Variants in SLMAP observed in about 807,000 individuals in gnomAD.
SLMAP encodes sarcolemmal membrane-associated protein.
A neutral mutation model predicts 128.8 loss-of-function variants in SLMAP; 44 were observed. The observed-to-expected ratio is 0.34, with a 90% CI of 0.27 to 0.44. The LOEUF (loss-of-function observed/expected upper bound fraction) is 0.44. Among genes scored for constraint, SLMAP ranks in the 20% least tolerant of loss-of-function variants. The pLI, the probability that SLMAP is intolerant of heterozygous loss-of-function variation, is 1.00. For missense variants in SLMAP, 787 were observed against 985.3 expected (o/e 0.80, Z 2.69); for synonymous variants, 327 against 348.8 (o/e 0.94, Z 0.70).
chr3:57,848,357 TTC>T (rs759537772), intron 5 of SLMAP, among the ~76,000 whole-genome samples: 4 of 151,706 alleles, frequency 2.6e-5, no homozygotes, highest in Non-Finnish European at 4.4e-5. Flanking sequence ...TTTTACTTTC[TTC>T]TTTCTTCCTC....
chr3:57,871,104 A>G (rs1246832760), intron 13 of SLMAP, among the ~76,000 whole-genome samples: 1 of 152,220 alleles, frequency 6.6e-6, no homozygotes, highest in Non-Finnish European at 1.5e-5. Flanking sequence ...ATGTTTTAAT[A>G]CTGTATGAGG....
intron 4 of SLMAP, 21 bp from the exon 5 acceptor site, chr3:57,847,176 C>G: frequency 6.4e-7 from 1 of 1,561,914 alleles, no homozygotes; most frequent in Non-Finnish European, 8.8e-7. Flanking sequence ...TTAGATAAAA[C>G]TTCTAAATTT....
intron 2 of SLMAP, among the ~76,000 whole-genome samples, chr3:57,815,867 T>A (rs1258775199): frequency 6.6e-6 from 1 of 152,212 alleles, no homozygotes; most frequent in Non-Finnish European, 1.5e-5. Context: ...GTTCCCTGAC[T>A]GAAAAAAATC....
chr3:57,814,018 T>C (rs2091463023), intron 2 of SLMAP, among the ~76,000 whole-genome samples: 1 of 152,110 alleles, frequency 6.6e-6, no homozygotes. Flanking sequence ...GGAAGGCCCT[T>C]ATCCTTATAC....
chr3:57,848,759 G>T (rs1290016112), intron 5 of SLMAP, among the ~76,000 whole-genome samples: 2 of 134,054 alleles, frequency 1.5e-5, no homozygotes, highest in African/African-American at 5.6e-5. Context: ...GCCCAGGCTG[G>T]AGTGCAATGG....
intron 3 of SLMAP, among the ~76,000 whole-genome samples, chr3:57,834,791 T>C (rs2093543979): frequency 6.6e-6 from 1 of 152,058 alleles, no homozygotes; most frequent in Non-Finnish European, 1.5e-5. Flanking sequence ...CTATAATTAA[T>C]TTTATTTATA....
chr3:57,761,904 G>A (rs1045878025), intron 2 of SLMAP, among the ~76,000 whole-genome samples: 1 of 150,614 alleles, frequency 6.6e-6, no homozygotes, highest in Admixed American at 6.6e-5. Flanking sequence ...AAAATTAGCC[G>A]GGCGCGGTGG....
intron 3 of SLMAP, among the ~76,000 whole-genome samples, chr3:57,837,305 C>T (rs111828822): frequency 4.2e-4 from 64 of 152,296 alleles, no homozygotes; most frequent in African/African-American, 1.4e-3. Context: ...CCACACACAA[C>T]CTGGAACATA....
intron 6 of SLMAP, 99 bp from the exon 7 acceptor site, chr3:57,857,634 T>A (rs2094858415): frequency 1.3e-6 from 1 of 784,006 alleles, no homozygotes; most frequent in Non-Finnish European, 2.2e-6. Flanking sequence ...TCAAGTGGGA[T>A]GTAATATGAA....
intron 14 of SLMAP, among the ~76,000 whole-genome samples, chr3:57,885,285 T>C (rs1021021592): frequency 1.3e-5 from 2 of 151,544 alleles, no homozygotes; most frequent in Non-Finnish European, 2.9e-5. Context: ...TTGGTCAGTC[T>C]GGTCTCGAAC....
At chr3:57,810,753 A>G (rs541585436) in intron 2 of SLMAP, among the ~76,000 whole-genome samples, 1 of 151,988 alleles carries the variant, frequency 6.6e-6, no homozygotes, top group East Asian at 1.9e-4. Context: ...TTGACTGTTG[A>G]TCTCTCCCAC....
At chr3:57,845,024 A>G (rs2094175376) in intron 4 of SLMAP, among the ~76,000 whole-genome samples, 1 of 152,188 alleles carries the variant, frequency 6.6e-6, no homozygotes, top group African/African-American at 2.4e-5. Context: ...ATATATACCC[A>G]CAATGGTTAT....
At chr3:57,864,355 A>G (rs1331658197) in intron 10 of SLMAP, among the ~76,000 whole-genome samples, 193 bp from the exon 11 acceptor site, 1 of 152,106 alleles carries the variant, frequency 6.6e-6, no homozygotes, top group African/African-American at 2.4e-5. Context: ...TGCCTAGGCA[A>G]CAAGAGTGAA....
chr3:57,922,395 C>T (rs116203632), intron 22 of SLMAP, among the ~76,000 whole-genome samples: 1,856 of 150,050 alleles, frequency 0.012, 29 homozygotes, highest in African/African-American at 0.043. Flanking sequence ...AAAATTCTTA[C>T]ATGGAATAAA....
At chr3:57,911,877 T>G (rs1269104051) in intron 19 of SLMAP, among the ~76,000 whole-genome samples, 1 of 150,126 alleles carries the variant, frequency 6.7e-6, no homozygotes, top group African/African-American at 2.5e-5. Flanking sequence ...TTATTGCTTT[T>G]ATTGCTTACC....
In SLMAP at chr3:57,929,421, G is replaced by A. The variant is rs746439346; in HGVS notation, c.*2132G>A. ...ACTTGCTAGACTGGTCTCTTTAAAT[G>A]TAAGGTCTAGTATCAATATTTACTT... On this transcript the variant is annotated 3_prime_UTR_variant, in exon 25 of 25. Coordinates refer to ENST00000671191, the MANE Select transcript of SLMAP (RefSeq NM_001377540.1). 1.3e-5 allele frequency among the ~76,000 whole-genome samples: 2 copies of A among 152,126 alleles called. No homozygotes were observed. The highest frequency in any genetic ancestry group is 2.1e-4 in the South Asian group (1 of 4,832).
chr3:57,908,665 T>C (rs2096623087), intron 18 of SLMAP, among the ~76,000 whole-genome samples: 1 of 152,222 alleles, frequency 6.6e-6, no homozygotes, highest in African/African-American at 2.4e-5. Flanking sequence ...CAGGCTAATA[T>C]ATTAAATTAC....
At chr3:57,920,742 C>T (rs893196999) in intron 22 of SLMAP, among the ~76,000 whole-genome samples, 3 of 152,012 alleles carry the variant, frequency 2.0e-5, no homozygotes, top group Non-Finnish European at 2.9e-5. Flanking sequence ...GGGCCGGGTG[C>T]GGTGGCTCAC....
At chr3:57,925,337 T>C (rs115040585) in intron 23 of SLMAP, among the ~76,000 whole-genome samples, 37,107 of 149,738 alleles carry the variant, frequency 0.25, 5,003 homozygotes, top group East Asian at 0.47. Context: ...TCTTTCTCTT[T>C]TTTTTTTTTT....
Sources: allele counts gnomAD v4.1 joint callset (sites outside exome capture counted in the v4.1 genomes callset), GRCh38; gene constraint gnomAD v4.1.1; transcripts MANE v1.5; gene names NCBI Gene and HGNC (gene_info 2026-07-23, HGNC 2026-07-21).